Variants in ATP8B1 observed in about 807,000 individuals in gnomAD.
ATP8B1 encodes ATPase phospholipid transporting 8B1.
ATP8B1 carries 80 observed loss-of-function variants against 149.9 expected under a neutral mutation model. The observed-to-expected ratio is 0.53, with a 90% CI of 0.45 to 0.64. The LOEUF (loss-of-function observed/expected upper bound fraction) is 0.64. ATP8B1 is among the 30% of genes least tolerant of loss of function. The probability of loss-of-function intolerance (pLI) is 0.00; values close to 1 mark genes in which losing one functional copy is unlikely to be tolerated. For missense variants in ATP8B1, 1,247 were observed against 1,552.6 expected (o/e 0.80, Z 3.31); for synonymous variants, 536 against 562.8 (o/e 0.95, Z 0.67).
chr18:57,684,081 A>G lies in ATP8B1; in HGVS notation c.1585T>C (p.Phe529Leu). The change falls in exon 15 of 28, where the codon TTC (phenylalanine) becomes CTC (leucine). Residue 529 changes from phenylalanine to leucine, a missense_variant. Phe to Leu is a conservative substitution (Grantham distance 22, BLOSUM62 0). Coordinates refer to ENST00000648908, the MANE Select transcript of ATP8B1 (RefSeq NM_001374385.1). ...ACTGTGTGGCAAACTGCGAGCAAGA[A>G]GAAGAACTGTCGTACTTCTGGCTCT... ...GKEPEVRQFF[F>L]LLAVCHTVMV... The G allele has an allele frequency of 6.2e-7, 1 of 1,614,166 alleles. No individual in the cohort carries two copies. Among genetic ancestry groups the G allele is most frequent in the Non-Finnish European group, 8.5e-7 (1 of 1,180,022 alleles).
intron 1 of ATP8B1, among the ~76,000 whole-genome samples, chr18:57,773,835 T>TA (rs1255888651): frequency 6.6e-6 from 1 of 152,082 alleles, no homozygotes; most frequent in African/African-American, 2.4e-5. Context: ...TTCCAGAACC[T>TA]AAAACCTCTC....
chr18:57,774,427 G>A (rs1249865395), intron 1 of ATP8B1, among the ~76,000 whole-genome samples: 4 of 152,142 alleles, frequency 2.6e-5, no homozygotes, highest in African/African-American at 9.7e-5. Context: ...GCGAAGCCCC[G>A]TCTCTACAAA....
At position 57,771,138 on chromosome 18, in the gene ATP8B1, G is replaced by A. The variant is rs1401999782; in HGVS notation, c.-26+31860C>T. Reference sequence around the variant, plus strand: ...AGCCTCCCAAAGTGCTGGAATTACAGGCGTGAGCCATTGCACCCTGCCTGG... The same window carrying A: ...AGCCTCCCAAAGTGCTGGAATTACAAGCGTGAGCCATTGCACCCTGCCTGG... On this transcript the variant is annotated intron_variant, in intron 1 of 27. Coordinates refer to ENST00000648908, the MANE Select transcript of ATP8B1 (RefSeq NM_001374385.1). Among the ~76,000 whole-genome samples, 6 of 152,240 alleles carry A rather than the reference G, an allele frequency of 3.9e-5. No homozygotes were observed. The East Asian group carries it at 9.6e-4, about 24-fold the overall frequency.
At chr18:57,756,291 G>GTATATATATATAAA (rs1250184376) in intron 1 of ATP8B1, among the ~76,000 whole-genome samples, 2 of 27,154 alleles carry the variant, frequency 7.4e-5, no homozygotes, top group Non-Finnish European at 9.5e-5. Context: ...ATATATATGT[G>GTATATATATATAAA]TGTGTGTATG....
At chr18:57,665,169 C>T (rs911275698) in intron 20 of ATP8B1, among the ~76,000 whole-genome samples, 3 of 151,570 alleles carry the variant, frequency 2.0e-5, no homozygotes, top group African/African-American at 7.3e-5. Flanking sequence ...CCCTTTTCCA[C>T]ATCAATTTAA....
rs1909375877 is a variant in ATP8B1 at position 57,648,799 on chromosome 18, G to A, written c.3532-87C>T. The A allele has an allele frequency of 5.3e-6, 7 of 1,332,544 alleles. No individual in the cohort carries two copies. In the African/African-American group the frequency reaches 8.8e-5, roughly 17 times the overall value. 82.5% of individuals were successfully genotyped at this position (1,332,544 alleles called of 1,614,324 possible). A position where few individuals can be genotyped will look rare whatever the true frequency, so the allele number is the denominator to read the frequency against. ...CAGACGGTTGACAGAAATGAACACT[G>A]ATGAACTCCCCTGACACCTGCCCCA... On this transcript the variant is annotated intron_variant, in intron 27 of 27. Coordinates refer to ENST00000648908, the MANE Select transcript of ATP8B1 (RefSeq NM_001374385.1).
At position 57,784,532 on chromosome 18, in the gene ATP8B1, G is replaced by A. The variant is rs576133723; in HGVS notation, c.-26+18466C>T. 1.3e-5 allele frequency among the ~76,000 whole-genome samples: 2 copies of A among 152,258 alleles called. No individual in the cohort carries two copies. Among genetic ancestry groups the A allele is most frequent in the Admixed American group, 1.3e-4 (2 of 15,302 alleles). On this transcript the variant is annotated intron_variant, in intron 1 of 27. Coordinates refer to ENST00000648908, the MANE Select transcript of ATP8B1 (RefSeq NM_001374385.1). The surrounding 1 kb of genome is among the most constrained non-coding windows in gnomAD (Gnocchi z 4.4). ...GGAAATGAAAGCAGGGTGCAGTCTG[G>A]AAGAGAAAGGGGTCAGAGATCAAGT...
intron 1 of ATP8B1, among the ~76,000 whole-genome samples, chr18:57,778,276 A>G (rs1196744109): frequency 2.9e-5 from 4 of 139,338 alleles, no homozygotes; most frequent in African/African-American, 1.1e-4. Flanking sequence ...CCCAGGCTGG[A>G]GTGCAGTGGT....
At chr18:57,712,605 C>A (rs890019822) in intron 2 of ATP8B1, among the ~76,000 whole-genome samples, 7 of 152,046 alleles carry the variant, frequency 4.6e-5, no homozygotes, top group Admixed American at 4.6e-4. Flanking sequence ...TTAGGCAAGT[C>A]CTAGTGCTGA....
At chr18:57,655,600 A>G (rs569194977) in intron 22 of ATP8B1, among the ~76,000 whole-genome samples, 183 bp from the exon 23 acceptor site, 2 of 152,260 alleles carry the variant, frequency 1.3e-5, no homozygotes, top group Non-Finnish European at 2.9e-5. Context: ...AGTCTGAGTT[A>G]CAAGTTGCTA....
At chr18:57,658,587 T>A (rs1225530598) in intron 22 of ATP8B1, among the ~76,000 whole-genome samples, 1 of 151,976 alleles carries the variant, frequency 6.6e-6, no homozygotes, top group Non-Finnish European at 1.5e-5. Context: ...TTTTGACACT[T>A]GAATAATTTC....
chr18:57,726,491 C>G (rs543986822), intron 2 of ATP8B1, among the ~76,000 whole-genome samples: 20 of 152,324 alleles, frequency 1.3e-4, no homozygotes, highest in African/African-American at 4.8e-4. Flanking sequence ...CAGAACCACT[C>G]TGTATCTTCA....
At chr18:57,699,059 C>T (rs1027759402) in intron 6 of ATP8B1, among the ~76,000 whole-genome samples, 3 of 152,178 alleles carry the variant, frequency 2.0e-5, no homozygotes, top group African/African-American at 7.2e-5. Flanking sequence ...AAAGCACCAA[C>T]TCAGGGATCA....
rs548623313 is a variant in ATP8B1 at position 57,650,562 on chromosome 18, G to A, written c.3401-65C>T. 59 of 1,573,428 alleles carry A rather than the reference G, an allele frequency of 3.7e-5. 3 individuals are homozygous for A. The South Asian group carries it at 3.8e-4, about 10-fold the overall frequency. On this transcript the variant is annotated intron_variant, in intron 26 of 27. Transcript: ENST00000648908. The stretch of plus-strand genomic sequence containing the variant: ...TTCCTAAGAACATAGTTAATATTTC[G>A]CCAGGTGTGGTGGCTCATGCCTGTA...
chr18:57,788,958 C>T (rs1049519829), intron 1 of ATP8B1, among the ~76,000 whole-genome samples: 1 of 152,104 alleles, frequency 6.6e-6, no homozygotes, highest in Non-Finnish European at 1.5e-5. Flanking sequence ...TCCACTCCCA[C>T]CCCCAAATAA....
At chr18:57,744,104 C>G (rs1311791953) in intron 1 of ATP8B1, among the ~76,000 whole-genome samples, 6 of 151,996 alleles carry the variant, frequency 3.9e-5, no homozygotes, top group Admixed American at 2.0e-4. Context: ...TGCCTGAGGT[C>G]CGGAGTTTGA....
rs769425303 is a variant in ATP8B1, at chr18:57,784,445, G to A, written c.-26+18553C>T. Among the ~76,000 whole-genome samples the A allele has an allele frequency of 1.3e-5, 2 of 152,198 alleles. No homozygotes were observed. Among genetic ancestry groups the A allele is most frequent in the Non-Finnish European group, 2.9e-5 (2 of 68,030 alleles). Reference sequence around the variant, plus strand: ...AACCTCGCGGATGGCAGCGGAGATAGAGGTTATCAGGTGGAGTCAAGGTCT... The same window carrying A: ...AACCTCGCGGATGGCAGCGGAGATAAAGGTTATCAGGTGGAGTCAAGGTCT... On this transcript the variant is annotated intron_variant, in intron 1 of 27. Transcript: ENST00000648908. The surrounding 1 kb of genome is among the most constrained non-coding windows in gnomAD (Gnocchi z 4.4).
chr18:57,757,014 C>T (rs143968974), intron 1 of ATP8B1, among the ~76,000 whole-genome samples: 13 of 152,264 alleles, frequency 8.5e-5, no homozygotes, highest in Admixed American at 6.5e-4. Flanking sequence ...CCAGTCTCTA[C>T]TACAATGGCC....
chr18:57,648,769 C>G, intron 27 of ATP8B1, 57 bp from the exon 28 acceptor site: 1 of 1,524,012 alleles, frequency 6.6e-7, no homozygotes, highest in South Asian at 1.2e-5. Flanking sequence ...GGGAGGAGGC[C>G]TGGCCAGACG....
Sources: gnomAD v4.1 joint callset for allele counts (sites outside exome capture counted in the v4.1 genomes callset) on GRCh38, gnomAD v4.1.1 for gene constraint, Gnocchi (gnomAD v3.1) non-coding constraint, MANE v1.5 for transcripts, NCBI Gene and HGNC (gene_info 2026-07-23, HGNC 2026-07-21) for gene names.